The following LY96 variants were observed in gnomAD, a reference collection of about 807,000 sequenced individuals.
The protein encoded by LY96 is myeloid differentiation protein-2.
Under a neutral mutation model 18.9 loss-of-function variants are expected in LY96, and 18 were observed. That is an observed-to-expected ratio of 0.95 (90% CI 0.66 to 1.41). The LOEUF (loss-of-function observed/expected upper bound fraction) is 1.41, where lower values mean the gene tolerates loss of function less well. Among genes scored for constraint, LY96 ranks in the 40% most tolerant of loss-of-function variants. The pLI is 0.00. For missense variants in LY96, 175 were observed against 182.4 expected, an observed-to-expected ratio of 0.96 and a Z score of 0.23; for synonymous variants, 66 against 62.6, an observed-to-expected ratio of 1.06 and a Z score of -0.26.
chr8:74,078,258 T>C, the LY96 span, among the ~76,000 whole-genome samples: 1 of 152,166 alleles, frequency 6.6e-6, no homozygotes. Context: ...CATCCTTCAG[T>C]GTCAGCTGAT....
rs1354216922 is a variant in LY96, at chr8:74,011,309, G to A, written c.331+1180G>A. Among the ~76,000 whole-genome samples the A allele has an allele frequency of 2.0e-5, 3 of 152,128 alleles. No homozygotes were observed. In the East Asian group the frequency reaches 5.8e-4, roughly 29 times the overall value. ...GAAGAAACCTAGGAAAGATTCTTCT[G>A]GACATTGGTCTAGGCAAAGAATTTA... On this transcript the variant is annotated intron_variant, in intron 3 of 4. Transcript: ENST00000284818.
the LY96 span, among the ~76,000 whole-genome samples, chr8:74,039,711 T>G: frequency 6.6e-6 from 1 of 152,322 alleles, no homozygotes; most frequent in South Asian, 2.1e-4. Context: ...TTTTCTTCTA[T>G]GCACTTATAA....
At chr8:74,065,024 G>T in the LY96 span, among the ~76,000 whole-genome samples, 1 of 152,108 alleles carries the variant, frequency 6.6e-6, no homozygotes, top group Admixed American at 6.5e-5. Context: ...GACCCCCTGT[G>T]GTCCAAGCGA....
At chr8:74,088,088 T>A in the LY96 span, among the ~76,000 whole-genome samples, 70 of 85,640 alleles carry the variant, frequency 8.2e-4, no homozygotes, top group Admixed American at 1.8e-3. Context: ...GAGAGAAGAA[T>A]AGAATAGAAT....
intron 1 of LY96, among the ~76,000 whole-genome samples, chr8:73,995,496 G>C (rs1316543401): frequency 6.6e-6 from 1 of 152,174 alleles, no homozygotes; most frequent in Non-Finnish European, 1.5e-5. Context: ...TAAAGGCACT[G>C]TCTCCAAATG....
the LY96 span, among the ~76,000 whole-genome samples, chr8:74,062,335 C>T: frequency 6.6e-6 from 1 of 152,052 alleles, no homozygotes; most frequent in Non-Finnish European, 1.5e-5. Context: ...CTTATGAACC[C>T]ATTCACCTAC....
chr8:74,048,944 G>A, the LY96 span, among the ~76,000 whole-genome samples: 1 of 152,222 alleles, frequency 6.6e-6, no homozygotes, highest in African/African-American at 2.4e-5. Flanking sequence ...ACACTCAGCC[G>A]TAAGGGAGGC....
the LY96 span, among the ~76,000 whole-genome samples, chr8:74,053,856 T>C: frequency 1.3e-5 from 2 of 152,144 alleles, no homozygotes; most frequent in African/African-American, 4.8e-5. Context: ...CTGGTGGCTT[T>C]ATAAGAGGAA....
chr8:74,068,919 C>T, the LY96 span, among the ~76,000 whole-genome samples: 103 of 152,238 alleles, frequency 6.8e-4, no homozygotes, highest in African/African-American at 2.3e-3. Context: ...CTCAGCCTCC[C>T]GAGTAGCTGG....
At chr8:74,050,018 TTAAATAAA>T in the LY96 span, among the ~76,000 whole-genome samples, 1 of 151,736 alleles carries the variant, frequency 6.6e-6, no homozygotes, top group African/African-American at 2.4e-5. Flanking sequence ...ACTCCATTTT[TTAAATAAA>T]TAAATAAATA....
chr8:74,060,166 G>A, the LY96 span, among the ~76,000 whole-genome samples: 2 of 152,068 alleles, frequency 1.3e-5, no homozygotes, highest in Non-Finnish European at 2.9e-5. Context: ...CAACGACGAC[G>A]ACGACGACGA....
At chr8:74,069,010 T>G in the LY96 span, among the ~76,000 whole-genome samples, 1 of 152,176 alleles carries the variant, frequency 6.6e-6, no homozygotes, top group African/African-American at 2.4e-5. Context: ...GGTCTCAAAC[T>G]CCTGACCTCA....
the LY96 span, among the ~76,000 whole-genome samples, chr8:74,057,656 C>G: frequency 7.9e-5 from 12 of 152,282 alleles, no homozygotes; most frequent in Middle Eastern, 6.8e-3. Flanking sequence ...TGGGGCATAT[C>G]TTCACACTCC....
the LY96 span, among the ~76,000 whole-genome samples, chr8:74,040,106 T>C: frequency 6.6e-6 from 1 of 152,210 alleles, no homozygotes; most frequent in Admixed American, 6.5e-5. Context: ...ACAATGTCCC[T>C]TCAGTACCCG....
chr8:74,048,839 G>GAAGAAAAGGAGAAAGA, the LY96 span: 1 of 150,276 alleles, frequency 6.7e-6, no homozygotes, highest in Non-Finnish European at 1.5e-5. Context: ...AAGAAAGAAA[G>GAAGAAAAGGAGAAAGA]AAGAAAAGGA....
the LY96 span, chr8:74,079,577 A>G: frequency 6.6e-6 from 1 of 152,242 alleles, no homozygotes; most frequent in Non-Finnish European, 1.5e-5. Flanking sequence ...TTGCACCAAT[A>G]CAGAGAAGAT....
chr8:74,066,813 C>G, the LY96 span, among the ~76,000 whole-genome samples: 1 of 152,218 alleles, frequency 6.6e-6, no homozygotes, highest in East Asian at 1.9e-4. Context: ...GGGAGATTCT[C>G]CAAAGATATA....
chr8:74,062,449 C>T, the LY96 span, among the ~76,000 whole-genome samples: 5 of 151,806 alleles, frequency 3.3e-5, no homozygotes, highest in Non-Finnish European at 5.9e-5. Context: ...CCTGTGTCCA[C>T]GTGTTCTCAA....
At chr8:74,034,135 G>A in the LY96 span, among the ~76,000 whole-genome samples, 1 of 152,258 alleles carries the variant, frequency 6.6e-6, no homozygotes, top group East Asian at 1.9e-4. Flanking sequence ...CACTTTGGGA[G>A]GCCAAGGTGG....
Sources: gnomAD v4.1 joint callset for allele counts (sites outside exome capture counted in the v4.1 genomes callset) on GRCh38, gnomAD v4.1.1 for gene constraint, MANE v1.5 for transcripts, NCBI Gene and HGNC (gene_info 2026-07-23, HGNC 2026-07-21) for gene names.